The following RARB variants were observed in gnomAD, a reference collection of about 807,000 sequenced individuals.
RARB encodes the protein retinoic acid receptor beta.
A neutral mutation model predicts 51.9 loss-of-function variants in RARB; 17 were observed. That is an observed-to-expected ratio of 0.33 (90% CI 0.22 to 0.49). The LOEUF (loss-of-function observed/expected upper bound fraction) is 0.49, where lower values mean the gene tolerates loss of function less well. Ranked by LOEUF, RARB falls within the 20% of genes least tolerant of loss-of-function variation. The probability of loss-of-function intolerance (pLI) is 0.99; values close to 1 mark genes in which losing one functional copy is unlikely to be tolerated. For synonymous variants in RARB, 215 were observed against 195.4 expected (o/e 1.10, Z -0.84); for missense variants, 369 against 550.8 (o/e 0.67, Z 3.30).
chr3:24,947,009 T>C lies in RARB; in HGVS notation c.-380+88257T>C, dbSNP rs1695789776. Among the ~76,000 whole-genome samples, 5 of 152,282 alleles carry C rather than the reference T, an allele frequency of 3.3e-5. No individual in the cohort carries two copies. The South Asian group carries it at 1.0e-3, about 32-fold the overall frequency. ...GAATTTCTCATAAAAGTGCATTATA[T>C]ATAGGAAACGTGACCTTTGATAAAA... On this transcript the variant is annotated intron_variant, in intron 2 of 11. Coordinates refer to the RARB transcript ENST00000383772.
intron 5 of RARB, among the ~76,000 whole-genome samples, chr3:25,247,999 G>T (rs1486575144): frequency 6.6e-6 from 1 of 152,142 alleles, no homozygotes; most frequent in Non-Finnish European, 1.5e-5. Context: ...AACTATTATT[G>T]TATTGGAATT....
intron 3 of RARB, among the ~76,000 whole-genome samples, chr3:25,083,544 G>C (rs1309409751): frequency 6.6e-6 from 1 of 151,990 alleles, no homozygotes; most frequent in African/African-American, 2.4e-5. Flanking sequence ...AACTCATTAT[G>C]TCCATCTTTT....
chr3:25,504,770 CTTTTTT>C (rs61498243), intron 3 of RARB, among the ~76,000 whole-genome samples: 9 of 126,050 alleles, frequency 7.1e-5, no homozygotes, highest in Admixed American at 5.9e-4. Context: ...ACATTAACCA[CTTTTTT>C]TTTTTTTTTT....
chr3:25,411,587 C>T (rs1171010102), intron 5 of RARB, among the ~76,000 whole-genome samples: 1 of 152,204 alleles, frequency 6.6e-6, no homozygotes. Context: ...TGGCCTCACG[C>T]ACTAAATGCC....
chr3:24,868,963 G>T (rs1702898733), intron 2 of RARB, among the ~76,000 whole-genome samples: 1 of 151,992 alleles, frequency 6.6e-6, no homozygotes, highest in Non-Finnish European at 1.5e-5. Context: ...GACCACCTTG[G>T]GCACATGTTC....
intron 2 of RARB, among the ~76,000 whole-genome samples, chr3:24,896,271 T>A (rs1703477319): frequency 6.6e-6 from 1 of 152,196 alleles, no homozygotes; most frequent in African/African-American, 2.4e-5. Flanking sequence ...GTTTTGTTTT[T>A]TGTTTTGAGA....
At chr3:25,020,393 T>C (rs1697608576) in intron 2 of RARB, 1 of 152,070 alleles carries the variant, frequency 6.6e-6, no homozygotes, top group African/African-American at 2.4e-5. Flanking sequence ...CCAGGGCTCC[T>C]GGGCTCAAGC....
intron 2 of RARB, among the ~76,000 whole-genome samples, chr3:25,473,959 C>G (rs1264670939): frequency 2.1e-5 from 3 of 143,316 alleles, no homozygotes; most frequent in Non-Finnish European, 4.5e-5. Context: ...CAACTCTGAA[C>G]TGGAGCGTGT....
At chr3:24,905,411 C>T (rs1295852298) in intron 2 of RARB, among the ~76,000 whole-genome samples, 1 of 152,222 alleles carries the variant, frequency 6.6e-6, no homozygotes, top group Non-Finnish European at 1.5e-5. Context: ...CATCTGACCA[C>T]ATCTCTTCTC....
intron 2 of RARB, among the ~76,000 whole-genome samples, chr3:25,484,506 G>A (rs1030804733): frequency 1.2e-4 from 18 of 151,714 alleles, no homozygotes; most frequent in Admixed American, 6.6e-4. Context: ...TGGCCCATAG[G>A]CTAAACCGGG....
At chr3:25,343,078 C>A (rs1024274346) in intron 5 of RARB, among the ~76,000 whole-genome samples, 9 of 106,184 alleles carry the variant, frequency 8.5e-5, no homozygotes, top group Non-Finnish European at 1.8e-4. Flanking sequence ...GTGTGTAATG[C>A]TGAGGCAGTA....
intron 5 of RARB, among the ~76,000 whole-genome samples, chr3:25,317,435 G>A (rs1336931063): frequency 1.3e-5 from 2 of 152,128 alleles, no homozygotes; most frequent in Admixed American, 6.5e-5. Flanking sequence ...CAACAAATAC[G>A]TATTTTAATC....
Position 25,331,288 on chromosome 3 carries a change from CAG to C in RARB, c.179-129903_179-129902del, listed in dbSNP as rs201549379. On this transcript the variant is annotated intron_variant, in intron 5 of 11. Coordinates refer to the RARB transcript ENST00000383772. ...ACATAGTTGGAAGGAAAGCACTCCTCAGAAAATATAAAAGAACAGAAATTATA... is the reference window on the plus strand; with the variant it reads ...ACATAGTTGGAAGGAAAGCACTCCTCAAAATATAAAAGAACAGAAATTATA... Among the ~76,000 whole-genome samples the C allele has an allele frequency of 8.7e-3, 1,319 of 152,322 alleles. 10 individuals are homozygous for C. The highest frequency in any genetic ancestry group is 0.027 in the Middle Eastern group (8 of 294).
chr3:25,077,550 G>A (rs180903544), intron 3 of RARB, among the ~76,000 whole-genome samples: 35 of 152,196 alleles, frequency 2.3e-4, no homozygotes, highest in Admixed American at 2.0e-3. Context: ...GTAGTCAATG[G>A]TACTAATATA....
At chr3:25,295,794 A>G (rs762423735) in intron 5 of RARB, among the ~76,000 whole-genome samples, 2 of 152,214 alleles carry the variant, frequency 1.3e-5, no homozygotes, top group African/African-American at 2.4e-5. Flanking sequence ...ATGAATACCA[A>G]TCTAAATGTA....
chr3:24,884,490 G>A (rs1054576368), intron 2 of RARB, among the ~76,000 whole-genome samples: 2 of 151,820 alleles, frequency 1.3e-5, no homozygotes, highest in African/African-American at 4.8e-5. Flanking sequence ...GCATAGCACA[G>A]ATTTTTTTCC....
intron 3 of RARB, among the ~76,000 whole-genome samples, chr3:25,105,937 C>A (rs1382544116): frequency 6.6e-6 from 1 of 152,180 alleles, no homozygotes; most frequent in Non-Finnish European, 1.5e-5. Context: ...AACCTCCAGG[C>A]CCATTGCACA....
At chr3:25,002,295 T>C (rs1279399262) in intron 2 of RARB, among the ~76,000 whole-genome samples, 1 of 152,184 alleles carries the variant, frequency 6.6e-6, no homozygotes, top group Non-Finnish European at 1.5e-5. Context: ...GACAAGATCG[T>C]TTACATCTCA....
intron 5 of RARB, among the ~76,000 whole-genome samples, chr3:25,411,436 A>G (rs1250794317): frequency 6.6e-6 from 1 of 152,224 alleles, no homozygotes; most frequent in Non-Finnish European, 1.5e-5. Context: ...GCATGTTAAA[A>G]CCATACAAAA....
Sources: allele counts gnomAD v4.1 joint callset (sites outside exome capture counted in the v4.1 genomes callset), GRCh38; gene constraint gnomAD v4.1.1; transcripts MANE v1.5; gene names NCBI Gene and HGNC (gene_info 2026-07-23, HGNC 2026-07-21).